RBFOX1: variants seen among roughly 807,000 people sequenced by gnomAD.
RBFOX1 encodes the protein RNA binding protein fox-1 homolog 1.
A neutral mutation model predicts 57.7 loss-of-function variants in RBFOX1; 8 were observed. The ratio of observed to expected loss-of-function variants is 0.14; its 90% CI spans 0.08 to 0.25. RBFOX1 has a LOEUF of 0.25. RBFOX1 is among the 10% of genes least tolerant of loss of function. RBFOX1 has a pLI of 1.00. For synonymous variants in RBFOX1, 326 were observed against 222.4 expected, an observed-to-expected ratio of 1.47 and a Z score of -4.15; for missense variants, 611 against 548.5, an observed-to-expected ratio of 1.11 and a Z score of -1.14.
intron 10 of RBFOX1, among the ~76,000 whole-genome samples, chr16:7,613,849 T>C (rs759546102): frequency 2.0e-4 from 30 of 152,184 alleles, no homozygotes; most frequent in Admixed American, 4.6e-4. Context: ...AAAGTTAAGA[T>C]TGTCTAGAAC....
At chr16:6,608,193 TATC>T (rs2154021548) in intron 2 of RBFOX1, among the ~76,000 whole-genome samples, 1 of 152,302 alleles carries the variant, frequency 6.6e-6, no homozygotes, top group South Asian at 2.1e-4. Flanking sequence ...GTATCCTTGG[TATC>T]ATCATTTTTT....
intron 4 of RBFOX1, among the ~76,000 whole-genome samples, chr16:7,111,440 G>T (rs1053512087): frequency 6.6e-6 from 1 of 152,096 alleles, no homozygotes; most frequent in Non-Finnish European, 1.5e-5. Context: ...AATAGCCTTT[G>T]TAAGAATAAT....
At chr16:7,381,977 C>A (rs1390730370) in intron 4 of RBFOX1, among the ~76,000 whole-genome samples, 1 of 152,168 alleles carries the variant, frequency 6.6e-6, no homozygotes, top group East Asian at 1.9e-4. Context: ...AAATGTTTCT[C>A]CCTTTGAGAA....
intron 2 of RBFOX1, among the ~76,000 whole-genome samples, chr16:6,570,884 A>G: frequency 6.6e-6 from 1 of 152,142 alleles, no homozygotes; most frequent in Non-Finnish European, 1.5e-5. Context: ...GGATGGGGAG[A>G]AGGAAGAGAA....
intron 4 of RBFOX1, among the ~76,000 whole-genome samples, chr16:7,292,179 C>G (rs145208933): frequency 1.5e-3 from 175 of 117,486 alleles, no homozygotes; most frequent in Non-Finnish European, 2.0e-3. Context: ...TATCATATAT[C>G]ATATATGATA....
chr16:6,381,708 G>A (rs1410740111), intron 2 of RBFOX1, among the ~76,000 whole-genome samples: 2 of 152,218 alleles, frequency 1.3e-5, no homozygotes, highest in African/African-American at 4.8e-5. Context: ...GGGGTCCTGT[G>A]TGCTAGGCCA....
chr16:6,022,918 G>A (rs1270521242), intron 1 of RBFOX1, among the ~76,000 whole-genome samples: 2 of 152,108 alleles, frequency 1.3e-5, no homozygotes, highest in African/African-American at 2.4e-5. Context: ...TATCATACAT[G>A]ACTGTTTTAA....
chr16:5,617,438 C>T (rs1434290079), intron 3 of RBFOX1, among the ~76,000 whole-genome samples: 1 of 152,178 alleles, frequency 6.6e-6, no homozygotes, highest in East Asian at 1.9e-4. Flanking sequence ...TCAAAAACCC[C>T]AGAAGCTGTT....
intron 2 of RBFOX1, among the ~76,000 whole-genome samples, chr16:6,460,779 A>T (rs924362920): frequency 2.0e-5 from 3 of 151,882 alleles, no homozygotes; most frequent in African/African-American, 4.8e-5. Context: ...TCATTCTATT[A>T]TAAAGATACA....
intron 4 of RBFOX1, among the ~76,000 whole-genome samples, chr16:6,000,481 T>C: frequency 6.6e-6 from 1 of 152,176 alleles, no homozygotes; most frequent in East Asian, 1.9e-4. Context: ...TAAAATTGGA[T>C]CCCGTGCATG....
intron 4 of RBFOX1, among the ~76,000 whole-genome samples, chr16:7,245,679 G>A (rs770637392): frequency 6.6e-6 from 1 of 152,198 alleles, no homozygotes; most frequent in Admixed American, 6.5e-5. Flanking sequence ...TTGTTTGTTT[G>A]TTTGTTGAAA....
chr16:5,301,636 A>C (rs938381926), intron 1 of RBFOX1, among the ~76,000 whole-genome samples: 7 of 148,946 alleles, frequency 4.7e-5, no homozygotes, highest in Non-Finnish European at 8.9e-5. Flanking sequence ...AAAAAAAAAA[A>C]AACACACAAA....
At chr16:6,092,768 A>G (rs1303697721) in intron 1 of RBFOX1, 1 of 152,208 alleles carries the variant, frequency 6.6e-6, no homozygotes, top group Non-Finnish European at 1.5e-5. Context: ...TTGTATCAGT[A>G]GTGCCATGCT....
At chr16:6,064,378 C>T (rs373543389) in intron 1 of RBFOX1, among the ~76,000 whole-genome samples, 1 of 152,100 alleles carries the variant, frequency 6.6e-6, no homozygotes, top group Non-Finnish European at 1.5e-5. Flanking sequence ...TCTATAACAT[C>T]CTTCCTACCT....
intron 2 of RBFOX1, among the ~76,000 whole-genome samples, chr16:6,366,531 C>T (rs1252475960): frequency 6.6e-6 from 1 of 152,148 alleles, no homozygotes; most frequent in Non-Finnish European, 1.5e-5. Flanking sequence ...ATGACACCAC[C>T]TGAATTTTCT....
At chr16:6,658,940 T>TTTGG (rs768077125) in intron 3 of RBFOX1, among the ~76,000 whole-genome samples, 1 of 144,286 alleles carries the variant, frequency 6.9e-6, no homozygotes, top group African/African-American at 2.5e-5. Flanking sequence ...TTTTTTGTTT[T>TTTGG]TTTTGTTTTT....
At chr16:6,101,029 G>C (rs2096300842) in intron 1 of RBFOX1, among the ~76,000 whole-genome samples, 1 of 152,146 alleles carries the variant, frequency 6.6e-6, no homozygotes, top group Non-Finnish European at 1.5e-5. Context: ...AGGGTCAGAT[G>C]TCAGTTTTAC....
At chr16:6,609,824 A>T (rs946789805) in intron 2 of RBFOX1, among the ~76,000 whole-genome samples, 10 of 152,054 alleles carry the variant, frequency 6.6e-5, no homozygotes, top group African/African-American at 2.2e-4. Context: ...CCTGGCCAAC[A>T]TGGTGAAACC....
chr16:7,424,545 C>G (rs1303441443), intron 4 of RBFOX1, among the ~76,000 whole-genome samples: 1 of 152,194 alleles, frequency 6.6e-6, no homozygotes, highest in Non-Finnish European at 1.5e-5. Flanking sequence ...CAGGTGTGAA[C>G]CACCTCACCT....
Sources: allele counts gnomAD v4.1 joint callset (sites outside exome capture counted in the v4.1 genomes callset), GRCh38; gene constraint gnomAD v4.1.1; transcripts MANE v1.5; gene names NCBI Gene and HGNC (gene_info 2026-07-23, HGNC 2026-07-21).